LAMB1: variants seen among roughly 807,000 people sequenced by gnomAD.
The protein encoded by LAMB1 is laminin subunit beta-1.
LAMB1 carries 121 observed loss-of-function variants against 222.3 expected under a neutral mutation model. The ratio of observed to expected loss-of-function variants is 0.54; its 90% confidence interval spans 0.47 to 0.63. LAMB1 has a LOEUF of 0.63. LAMB1 is among the 30% of genes least tolerant of loss of function. LAMB1 has a pLI of 0.00. For missense variants in LAMB1, 2,172 were observed against 2,240.8 expected (o/e 0.97, Z 0.62); for synonymous variants, 794 against 807.2 (o/e 0.98, Z 0.28).
At chr7:107,945,634 G>A (rs562786964) in intron 24 of LAMB1, among the ~76,000 whole-genome samples, 2 of 152,372 alleles carry the variant, frequency 1.3e-5, no homozygotes, top group African/African-American at 4.8e-5. Context: ...GGGCCACATA[G>A]GCCTGGCTTC....
At chr7:107,935,156 T>G (rs1562976311) in intron 27 of LAMB1, among the ~76,000 whole-genome samples, 1 of 151,960 alleles carries the variant, frequency 6.6e-6, no homozygotes, top group Non-Finnish European at 1.5e-5. Context: ...TAGTCATGAT[T>G]CATTCTTTAG....
At chr7:107,966,444 C>T (rs1290735926) in intron 13 of LAMB1, among the ~76,000 whole-genome samples, 1 of 152,042 alleles carries the variant, frequency 6.6e-6, no homozygotes, top group Non-Finnish European at 1.5e-5. Flanking sequence ...CTCCTGACCT[C>T]GTGATCCATC....
chr7:107,982,033 G>C (rs1303670224), intron 7 of LAMB1, among the ~76,000 whole-genome samples: 1 of 152,120 alleles, frequency 6.6e-6, no homozygotes. Flanking sequence ...ATTAGGATGT[G>C]GGGCAAATTA....
At chr7:107,993,484 A>C (rs2150451978) in intron 5 of LAMB1, among the ~76,000 whole-genome samples, 1 of 152,170 alleles carries the variant, frequency 6.6e-6, no homozygotes, top group Middle Eastern at 3.4e-3. Context: ...CCCCCGTTTT[A>C]CCTTCTGCGC....
intron 13 of LAMB1, among the ~76,000 whole-genome samples, chr7:107,967,293 TCACTGC>T (rs1273741838): frequency 1.3e-5 from 2 of 152,246 alleles, no homozygotes; most frequent in Non-Finnish European, 1.5e-5. Context: ...CCTCTCATTG[TCACTGC>T]CACTGCCACT....
At chr7:107,934,343 A>G (rs748826147) in intron 27 of LAMB1, among the ~76,000 whole-genome samples, 27 of 152,320 alleles carry the variant, frequency 1.8e-4, no homozygotes, top group Non-Finnish European at 3.7e-4. Flanking sequence ...TTCTGCGCCT[A>G]TGTACCTTCC....
In LAMB1 at chr7:107,998,344, A is replaced by C. The variant is rs199873091; in HGVS notation, c.349+13T>G. On this transcript the variant is annotated intron_variant, in intron 4 of 33. Transcript: ENST00000222399. ...CACACTCAACGGAACTTGTCCCCAC[A>C]CCAACCACATACCATTTTCAGATTG... 19 of 1,613,650 alleles carry C rather than the reference A, an allele frequency of 1.2e-5. No homozygotes were observed. Among genetic ancestry groups the C allele is most frequent in the Middle Eastern group, 3.3e-4 (2 of 6,082 alleles).
intron 4 of LAMB1, 71 bp from the exon 5 acceptor site, chr7:107,995,031 CTA>C: frequency 1.2e-6 from 1 of 804,188 alleles, no homozygotes; most frequent in East Asian, 2.6e-5. Context: ...ATAGTTGAGA[CTA>C]TTTTTTAAAT....
At chr7:107,970,620 A>G (rs979421706) in intron 13 of LAMB1, among the ~76,000 whole-genome samples, 3 of 152,152 alleles carry the variant, frequency 2.0e-5, no homozygotes, top group African/African-American at 7.2e-5. Context: ...ATTTACAAGT[A>G]GCATTTACCT....
chr7:107,946,942 C>G (rs1026914183), intron 24 of LAMB1, among the ~76,000 whole-genome samples: 1 of 152,246 alleles, frequency 6.6e-6, no homozygotes, highest in African/African-American at 2.4e-5. Flanking sequence ...TTTAGAGACA[C>G]TGCCCTTTTC....
intron 7 of LAMB1, among the ~76,000 whole-genome samples, chr7:107,982,700 C>A (rs886201503): frequency 6.6e-6 from 1 of 152,154 alleles, no homozygotes; most frequent in Non-Finnish European, 1.5e-5. Flanking sequence ...ATGCTCCCCC[C>A]ACTCTCTCCT....
chr7:108,002,896 T>C lies in LAMB1; in HGVS notation c.-11A>G. 4 of 1,613,808 alleles carry C rather than the reference T, an allele frequency of 2.5e-6. No individual in the cohort carries two copies. The highest frequency in any genetic ancestry group is 1.7e-5 in the Admixed American group (1 of 60,012). On this transcript the variant is annotated 5_prime_UTR_variant, in exon 2 of 34. Transcript: ENST00000222399. Reference sequence around the variant, plus strand: ...CTGGAGAAGCCCCATGCCGGCTCCCTGCAGCCACGGGGACGCGGCAGAGGA... The same window carrying C: ...CTGGAGAAGCCCCATGCCGGCTCCCCGCAGCCACGGGGACGCGGCAGAGGA...
chr7:107,930,463 A>G (rs2116322940), intron 29 of LAMB1, among the ~76,000 whole-genome samples: 1 of 152,328 alleles, frequency 6.6e-6, no homozygotes, highest in African/African-American at 2.4e-5. Context: ...TGCTAACAGA[A>G]TACTGATTTT....
At chr7:107,961,364 A>G in intron 16 of LAMB1, 35 bp from the exon 17 acceptor site, 1 of 1,609,694 alleles carries the variant, frequency 6.2e-7, no homozygotes, top group Non-Finnish European at 8.5e-7. Context: ...CAACAACGAA[A>G]GTCAACCTTC....
chr7:107,943,310 G>T (rs578104747), intron 24 of LAMB1, among the ~76,000 whole-genome samples: 47 of 152,218 alleles, frequency 3.1e-4, no homozygotes, highest in Admixed American at 8.5e-4. Context: ...TTTGACCATG[G>T]GATCTTTTTT....
At chr7:107,981,201 T>C (rs1374425241) in intron 7 of LAMB1, among the ~76,000 whole-genome samples, 2 of 151,930 alleles carry the variant, frequency 1.3e-5, no homozygotes, top group Non-Finnish European at 2.9e-5. Flanking sequence ...ATTCCCAGCA[T>C]TTTGGGAGGC....
At chr7:107,970,788 A>G (rs1053865447) in intron 13 of LAMB1, among the ~76,000 whole-genome samples, 3 of 151,296 alleles carry the variant, frequency 2.0e-5, no homozygotes, top group Non-Finnish European at 4.4e-5. Flanking sequence ...CTGGAGTGCA[A>G]TGGCGTGATC....
At chr7:107,993,458 C>G (rs1299087107) in intron 5 of LAMB1, among the ~76,000 whole-genome samples, 4 of 152,120 alleles carry the variant, frequency 2.6e-5, no homozygotes, top group Non-Finnish European at 5.9e-5. Flanking sequence ...TTCTGCATGT[C>G]TCAGTTCAAT....
chr7:107,945,383 G>T (rs2033093948), intron 24 of LAMB1, among the ~76,000 whole-genome samples: 1 of 152,126 alleles, frequency 6.6e-6, no homozygotes, highest in Non-Finnish European at 1.5e-5. Context: ...TCCTCCTCCA[G>T]ACCTTCCTGT....
Sources: allele counts gnomAD v4.1 joint callset (sites outside exome capture counted in the v4.1 genomes callset), GRCh38; gene constraint gnomAD v4.1.1; transcripts MANE v1.5; gene names NCBI Gene and HGNC (gene_info 2026-07-23, HGNC 2026-07-21).